Variants in LIN7A observed in about 807,000 individuals in gnomAD.
LIN7A encodes the protein protein lin-7 homolog A.
Under a neutral mutation model 29.8 loss-of-function variants are expected in LIN7A, and 25 were observed. The ratio of observed to expected loss-of-function variants is 0.84; its 90% CI spans 0.61 to 1.17. LIN7A has a LOEUF of 1.17. Among genes scored for constraint, LIN7A ranks in the 50% most tolerant of loss-of-function variants. LIN7A has a pLI of 0.00. For synonymous variants in LIN7A, 118 were observed against 107.5 expected (o/e 1.10, Z -0.60); for missense variants, 239 against 287.0 (o/e 0.83, Z 1.21).
At chr12:80,826,531 C>T (rs1872086713) in intron 4 of LIN7A, among the ~76,000 whole-genome samples, 1 of 152,082 alleles carries the variant, frequency 6.6e-6, no homozygotes, top group African/African-American at 2.4e-5. Context: ...TTACTTTACT[C>T]CTTTTTTTTT....
chr12:80,912,713 C>CAAAAA (rs5799498), intron 1 of LIN7A, among the ~76,000 whole-genome samples: 10 of 135,336 alleles, frequency 7.4e-5, no homozygotes, highest in South Asian at 4.7e-4. Flanking sequence ...AGACTTGTCT[C>CAAAAA]AAAAAAAAAA....
At chr12:80,899,260 CTGTT>C (rs1876071087) in intron 1 of LIN7A, among the ~76,000 whole-genome samples, 1 of 152,058 alleles carries the variant, frequency 6.6e-6, no homozygotes, top group Non-Finnish European at 1.5e-5. Context: ...GTTTTTAGTT[CTGTT>C]TATGTGGTGA....
At chr12:80,841,861 T>C in intron 4 of LIN7A, 1 of 1,008,606 alleles carries the variant, frequency 9.9e-7, no homozygotes, top group Non-Finnish European at 1.2e-6. Context: ...TAGAAAGCTA[T>C]AAATTCTTAC....
At chr12:80,882,604 T>C (rs1875118702) in intron 2 of LIN7A, among the ~76,000 whole-genome samples, 2 of 152,156 alleles carry the variant, frequency 1.3e-5, no homozygotes, top group Admixed American at 1.3e-4. Flanking sequence ...TTCTAATACT[T>C]ACACCTATTT....
intron 5 of LIN7A, among the ~76,000 whole-genome samples, chr12:80,807,761 G>T (rs1871113192): frequency 6.6e-6 from 1 of 152,168 alleles, no homozygotes; most frequent in South Asian, 2.1e-4. Flanking sequence ...CAGAGAAGAA[G>T]GATGTGGACA....
rs1443193973 is a variant in LIN7A, at chr12:80,825,429, T to C, written c.484-13746A>G. Among the ~76,000 whole-genome samples the C allele has an allele frequency of 2.0e-5, 3 of 152,200 alleles. No homozygotes were observed. In the South Asian group the frequency reaches 6.2e-4, roughly 32 times the overall value. ...AGTACCCATAATCAGATGAAGACTT[T>C]AAAATGTTTATGAAGCAGTGTTGTG... On this transcript the variant is annotated intron_variant, in intron 4 of 5. Transcript: ENST00000552864.
At chr12:80,806,077 T>C (rs530663332) in intron 5 of LIN7A, among the ~76,000 whole-genome samples, 1 of 151,552 alleles carries the variant, frequency 6.6e-6, no homozygotes, top group East Asian at 1.9e-4. Flanking sequence ...GACTCTGTAT[T>C]AAAAAAACAA....
chr12:80,898,761 G>A (rs1306241333), intron 1 of LIN7A, among the ~76,000 whole-genome samples: 3 of 152,062 alleles, frequency 2.0e-5, no homozygotes, highest in Non-Finnish European at 4.4e-5. Context: ...GAATGAGATT[G>A]CATTCTTGAT....
intron 2 of LIN7A, among the ~76,000 whole-genome samples, chr12:80,872,771 G>T (rs929122334): frequency 2.6e-5 from 4 of 152,088 alleles, no homozygotes; most frequent in African/African-American, 9.7e-5. Context: ...GCTCTGTCCT[G>T]GAGACAAAAT....
In LIN7A at chr12:80,905,915, T is replaced by G. The variant is rs143951264; in HGVS notation, c.83-16546A>C. Among the ~76,000 whole-genome samples the G allele has an allele frequency of 2.2e-4, 33 of 152,296 alleles. No individual in the cohort carries two copies. The East Asian group carries it at 6.2e-3, about 28-fold the overall frequency. ...TTTTCTTGGTTGTCTCTGGTATTTA[T>G]TTTCTAAAGCATATAATCAAATCAT... On this transcript the variant is annotated intron_variant, in intron 1 of 5. Transcript: ENST00000552864.
At chr12:80,900,182 C>T (rs1300994244) in intron 1 of LIN7A, among the ~76,000 whole-genome samples, 2 of 151,890 alleles carry the variant, frequency 1.3e-5, no homozygotes, top group African/African-American at 2.4e-5. Context: ...CTAGGTAGCA[C>T]GCTTTCTATC....
intron 4 of LIN7A, among the ~76,000 whole-genome samples, chr12:80,819,781 C>T (rs1871707140): frequency 1.3e-5 from 2 of 152,148 alleles, no homozygotes; most frequent in Admixed American, 1.3e-4. Context: ...ACATAAAGCA[C>T]TTGGAACAGT....
chr12:80,930,197 C>T (rs560722283), intron 1 of LIN7A, among the ~76,000 whole-genome samples: 2 of 152,108 alleles, frequency 1.3e-5, no homozygotes, highest in Non-Finnish European at 1.5e-5. Flanking sequence ...AAATTAGACA[C>T]CCTAGCTTTA....
rs563927665 is a variant in LIN7A, at chr12:80,899,955, G to C, written c.83-10586C>G. 3.0e-3 allele frequency among the ~76,000 whole-genome samples: 460 copies of C among 151,486 alleles called. 3 individuals carry two copies. Among genetic ancestry groups the C allele is most frequent in the Non-Finnish European group, 4.8e-3 (328 of 67,812 alleles). ...GCTAATTTTTTGTATTTTTAGTAGA[G>C]ACGGGGTTTCACCGTGTTAGTCAGG... On this transcript the variant is annotated intron_variant, in intron 1 of 5. Transcript: ENST00000552864.
intron 1 of LIN7A, among the ~76,000 whole-genome samples, chr12:80,899,770 C>CT (rs71309554): frequency 0.011 from 1,332 of 125,524 alleles, 39 homozygotes; most frequent in African/African-American, 0.032. Flanking sequence ...TTTTTCTTTT[C>CT]TTTTTTTTTT....
chr12:80,854,606 C>G (rs1277563062), intron 2 of LIN7A, among the ~76,000 whole-genome samples: 2 of 151,224 alleles, frequency 1.3e-5, no homozygotes, highest in African/African-American at 2.4e-5. Context: ...GGGTGGGGAC[C>G]AACAGATTAG....
intron 2 of LIN7A, among the ~76,000 whole-genome samples, chr12:80,854,731 G>A (rs1447237142): frequency 6.6e-6 from 1 of 151,940 alleles, no homozygotes; most frequent in African/African-American, 2.4e-5. Flanking sequence ...ACACTAAAAA[G>A]TAGAACTATT....
At chr12:80,917,795 C>A (rs1417254665) in intron 1 of LIN7A, among the ~76,000 whole-genome samples, 1 of 152,158 alleles carries the variant, frequency 6.6e-6, no homozygotes, top group Non-Finnish European at 1.5e-5. Context: ...CTCCAGATTT[C>A]TGTTCCCTTT....
At chr12:80,830,044 T>A (rs1872271478) in intron 4 of LIN7A, among the ~76,000 whole-genome samples, 1 of 152,174 alleles carries the variant, frequency 6.6e-6, no homozygotes, top group Admixed American at 6.5e-5. Context: ...ATCTGGCCCC[T>A]GTGTATATTT....
Sources: gnomAD v4.1 joint callset for allele counts (sites outside exome capture counted in the v4.1 genomes callset) on GRCh38, gnomAD v4.1.1 for gene constraint, MANE v1.5 for transcripts, NCBI Gene and HGNC (gene_info 2026-07-23, HGNC 2026-07-21) for gene names.